Variants in ADGRB3 observed in about 807,000 individuals in gnomAD.
ADGRB3 encodes the protein adhesion G protein-coupled receptor B3.
In ADGRB3, 37 loss-of-function variants were observed where a neutral mutation model predicts 193.4. The observed-to-expected ratio is 0.19, with a 90% CI of 0.15 to 0.25. The LOEUF is 0.25. Among genes scored for constraint, ADGRB3 ranks in the 10% least tolerant of loss-of-function variants. The pLI is 1.00. For missense variants in ADGRB3, 1,637 were observed against 1,852.9 expected, an observed-to-expected ratio of 0.88 and a Z score of 2.14; for synonymous variants, 690 against 644.2, an observed-to-expected ratio of 1.07 and a Z score of -1.08.
chr6:68,693,155 G>T (rs1765103861), intron 3 of ADGRB3, among the ~76,000 whole-genome samples: 1 of 151,836 alleles, frequency 6.6e-6, no homozygotes, highest in African/African-American at 2.4e-5. Context: ...GCAAGGTTTA[G>T]AGAACGTTTA....
intron 3 of ADGRB3, among the ~76,000 whole-genome samples, chr6:68,882,900 GT>G (rs1765772902): frequency 6.6e-6 from 1 of 150,806 alleles, no homozygotes; most frequent in Non-Finnish European, 1.5e-5. Context: ...TTTTTGTTTT[GT>G]TTTGTTTTTT....
chr6:69,333,786 C>T (rs1768777665), intron 24 of ADGRB3, among the ~76,000 whole-genome samples: 1 of 150,756 alleles, frequency 6.6e-6, no homozygotes, highest in South Asian at 2.1e-4. Flanking sequence ...AAAAATTAGC[C>T]GGGCGAGGTG....
intron 20 of ADGRB3, among the ~76,000 whole-genome samples, chr6:69,278,417 G>A (rs1485000190): frequency 2.6e-5 from 4 of 152,150 alleles, no homozygotes; most frequent in Non-Finnish European, 5.9e-5. Flanking sequence ...TATATTAGGG[G>A]TGAATTAATT....
chr6:69,378,348 A>G (rs780626021), intron 30 of ADGRB3, among the ~76,000 whole-genome samples: 11 of 152,052 alleles, frequency 7.2e-5, no homozygotes, highest in Non-Finnish European at 1.3e-4. Context: ...TGCTCCCTGA[A>G]TCTATGAGAC....
chr6:69,169,192 G>A (rs553345928), intron 17 of ADGRB3, among the ~76,000 whole-genome samples: 1 of 152,098 alleles, frequency 6.6e-6, no homozygotes, highest in South Asian at 2.1e-4. Flanking sequence ...CAGATGGATT[G>A]GGAAACAAAT....
chr6:69,281,836 A>G (rs928615633), intron 20 of ADGRB3, among the ~76,000 whole-genome samples: 2 of 152,252 alleles, frequency 1.3e-5, no homozygotes, highest in Non-Finnish European at 2.9e-5. Flanking sequence ...AGTAAAATTC[A>G]TTAAACTCAG....
chr6:69,062,947 A>G lies in ADGRB3; in HGVS notation c.2347A>G (p.Ile783Val). The change falls in exon 16 of 32, where the codon ATT becomes GTT. Residue 783 changes from isoleucine to valine, a missense_variant. This residue lies in a region of ADGRB3 where 641 missense variants were observed against 673.9 expected (regional missense o/e 0.95). Transcript: ENST00000370598. ...ACTCTGTTGCAGAAATTATACTGTCATTAATTCCAAAATCATCGTGGTCAC... is the reference window on the plus strand; with the variant it reads ...ACTCTGTTGCAGAAATTATACTGTCGTTAATTCCAAAATCATCGTGGTCAC... ...ILPTLRNYTV[I>V]NSKIIVVTIR... 6.2e-7 allele frequency: 1 copy of G among 1,610,464 alleles called. No individual in the cohort carries two copies. The highest frequency in any genetic ancestry group is 8.5e-7 in the Non-Finnish European group (1 of 1,177,326).
chr6:69,288,992 G>C (rs1767610343), intron 20 of ADGRB3, among the ~76,000 whole-genome samples: 1 of 151,948 alleles, frequency 6.6e-6, no homozygotes, highest in Non-Finnish European at 1.5e-5. Context: ...CAATAAACCT[G>C]GTGTTTATTC....
At chr6:68,677,521 C>CTTTTTTTTTTTTTTT (rs1002070733) in intron 3 of ADGRB3, among the ~76,000 whole-genome samples, 1 of 120,334 alleles carries the variant, frequency 8.3e-6, no homozygotes, top group Non-Finnish European at 1.7e-5. Context: ...TTCTTTTTTT[C>CTTTTTTTTTTTTTTT]TTTTTTTTTT....
intron 17 of ADGRB3, among the ~76,000 whole-genome samples, chr6:69,138,263 A>T (rs1561931150): frequency 1.3e-5 from 2 of 152,170 alleles, no homozygotes; most frequent in Non-Finnish European, 2.9e-5. Flanking sequence ...GCATCAGAAA[A>T]ATGTTGTAGG....
intron 17 of ADGRB3, among the ~76,000 whole-genome samples, chr6:69,152,357 C>T (rs964237612): frequency 6.6e-6 from 1 of 152,180 alleles, no homozygotes; most frequent in African/African-American, 2.4e-5. Context: ...CCCAATGTGA[C>T]TCTTCTTAAT....
chr6:69,302,058 G>A (rs544632120), intron 20 of ADGRB3, among the ~76,000 whole-genome samples: 2 of 151,848 alleles, frequency 1.3e-5, no homozygotes, highest in Non-Finnish European at 1.5e-5. Flanking sequence ...TGACCAAGAG[G>A]CAGCAAACAA....
chr6:68,715,846 G>A (rs763115431), intron 3 of ADGRB3, among the ~76,000 whole-genome samples: 23 of 151,644 alleles, frequency 1.5e-4, no homozygotes, highest in Admixed American at 2.6e-4. Context: ...ACATAACAAT[G>A]TGCCCCAAAA....
intron 3 of ADGRB3, among the ~76,000 whole-genome samples, chr6:68,880,327 C>T (rs1765699883): frequency 6.6e-6 from 1 of 152,184 alleles, no homozygotes; most frequent in Non-Finnish European, 1.5e-5. Flanking sequence ...GTATCAGTTT[C>T]AAATAAATAG....
rs922475080 is a variant in ADGRB3, at chr6:69,014,478, A to G, written c.1998+372A>G. ...TAGTAAAACCATTTGCATTTACTAC[A>G]ATGCTACATATAATATGGATCACAG... On this transcript the variant is annotated intron_variant, in intron 12 of 31. Transcript: ENST00000370598. Among the ~76,000 whole-genome samples, 143 of 152,174 alleles carry G rather than the reference A, an allele frequency of 9.4e-4. 1 individual carries two copies. The highest frequency in any genetic ancestry group is 3.1e-3 in the African/African-American group (129 of 41,550).
rs1038313194 is a variant in ADGRB3 at position 68,802,991 on chromosome 6, C to A, written c.758-127568C>A. Among the ~76,000 whole-genome samples, 3 of 152,058 alleles carry A rather than the reference C, an allele frequency of 2.0e-5. No individual in the cohort carries two copies. The East Asian group carries it at 5.8e-4, about 29-fold the overall frequency. Reference sequence around the variant, plus strand: ...TTCCAATGTTGTCACTGGCCCCTGTCCCTCATTATCTTTTCTAGCTATATG... The same window carrying A: ...TTCCAATGTTGTCACTGGCCCCTGTACCTCATTATCTTTTCTAGCTATATG... On this transcript the variant is annotated intron_variant, in intron 3 of 31. Transcript: ENST00000370598.
intron 17 of ADGRB3, among the ~76,000 whole-genome samples, chr6:69,133,510 T>C (rs1007659314): frequency 6.6e-6 from 1 of 151,980 alleles, no homozygotes; most frequent in African/African-American, 2.4e-5. Context: ...CATGACCAGA[T>C]GGATTCACAG....
intron 17 of ADGRB3, among the ~76,000 whole-genome samples, chr6:69,083,815 C>T (rs1274228375): frequency 6.8e-6 from 1 of 147,312 alleles, no homozygotes; most frequent in Non-Finnish European, 1.5e-5. Context: ...CGCTCTGTCA[C>T]CAAGGCTGGA....
chr6:68,726,608 A>T (rs1765677995), intron 3 of ADGRB3, among the ~76,000 whole-genome samples: 1 of 151,542 alleles, frequency 6.6e-6, no homozygotes. Flanking sequence ...CTTTATTTGG[A>T]GGGCTTGGTT....
Sources: allele counts gnomAD v4.1 joint callset (sites outside exome capture counted in the v4.1 genomes callset), GRCh38; gene constraint gnomAD v4.1.1; regional missense constraint gnomAD v4.1.1; transcripts MANE v1.5; gene names NCBI Gene and HGNC (gene_info 2026-07-23, HGNC 2026-07-21).